CCSER1: variants seen among roughly 807,000 people sequenced by gnomAD.
CCSER1 encodes the protein serine-rich coiled-coil domain-containing protein 1.
A neutral mutation model predicts 82.0 loss-of-function variants in CCSER1; 41 were observed. That is an observed-to-expected ratio of 0.50 (90% CI 0.39 to 0.65). CCSER1 has a LOEUF of 0.65. CCSER1 is among the 30% of genes least tolerant of loss of function. The pLI is 0.00. For missense variants in CCSER1, 1,119 were observed against 1,064.2 expected, an observed-to-expected ratio of 1.05 and a Z score of -0.72; for synonymous variants, 414 against 383.9, an observed-to-expected ratio of 1.08 and a Z score of -0.92.
At chr4:91,247,912 C>T (rs71597236) in intron 10 of CCSER1, among the ~76,000 whole-genome samples, 31,149 of 149,588 alleles carry the variant, frequency 0.21, 3,565 homozygotes, top group East Asian at 0.34. Context: ...ACAAAAAACA[C>T]GAACCGGGAC....
chr4:91,494,378 G>A (rs11933531), intron 10 of CCSER1, among the ~76,000 whole-genome samples: 13,407 of 151,492 alleles, frequency 0.088, 821 homozygotes, highest in East Asian at 0.26. Context: ...GTTCAAATAC[G>A]GTTCATAATG....
chr4:91,000,206 A>G (rs1025713132), intron 9 of CCSER1, among the ~76,000 whole-genome samples: 4 of 142,596 alleles, frequency 2.8e-5, no homozygotes, highest in Non-Finnish European at 6.1e-5. Context: ...ATAGTATAGT[A>G]TAGTATAGTA....
intron 10 of CCSER1, among the ~76,000 whole-genome samples, chr4:91,367,434 C>CT (rs70965489): frequency 0.65 from 91,724 of 142,028 alleles, 30,135 homozygotes; most frequent in East Asian, 0.9. Flanking sequence ...TGATTTCTTT[C>CT]TTTTTTTTTT....
At chr4:91,525,311 A>C (rs893760448) in intron 10 of CCSER1, among the ~76,000 whole-genome samples, 1 of 152,152 alleles carries the variant, frequency 6.6e-6, no homozygotes, top group Admixed American at 6.5e-5. Context: ...GAAGATCCTT[A>C]AGATTGATTA....
chr4:91,414,813 CAAAG>C (rs1313178030), intron 10 of CCSER1, among the ~76,000 whole-genome samples: 1 of 151,932 alleles, frequency 6.6e-6, no homozygotes, highest in East Asian at 1.9e-4. Context: ...ACATGAGAAA[CAAAG>C]AAGGTCATTA....
At chr4:90,845,874 C>T (rs937842960) in intron 8 of CCSER1, among the ~76,000 whole-genome samples, 2 of 150,770 alleles carry the variant, frequency 1.3e-5, no homozygotes, top group Admixed American at 1.3e-4. Context: ...TGGCAATGGA[C>T]TTGTAACTTA....
At chr4:91,212,881 C>T (rs1047192758) in intron 10 of CCSER1, among the ~76,000 whole-genome samples, 1 of 152,026 alleles carries the variant, frequency 6.6e-6, no homozygotes, top group Non-Finnish European at 1.5e-5. Context: ...TCAGCCCTTG[C>T]CCACCTCCTT....
At chr4:90,622,443 G>A (rs1040817266) in intron 5 of CCSER1, among the ~76,000 whole-genome samples, 1 of 151,984 alleles carries the variant, frequency 6.6e-6, no homozygotes, top group Non-Finnish European at 1.5e-5. Context: ...GACAGGCCCC[G>A]GTGCGTGATG....
At chr4:90,634,871 G>A (rs559571692) in intron 6 of CCSER1, among the ~76,000 whole-genome samples, 2 of 151,774 alleles carry the variant, frequency 1.3e-5, no homozygotes, top group South Asian at 4.2e-4. Context: ...ATATGTTTAA[G>A]GAAAATTAGA....
chr4:91,042,246 G>A (rs1216888508), intron 9 of CCSER1, among the ~76,000 whole-genome samples: 3 of 152,110 alleles, frequency 2.0e-5, no homozygotes, highest in Admixed American at 1.3e-4. Context: ...AGGTCTGTTG[G>A]CTTTATAAGT....
intron 1 of CCSER1, among the ~76,000 whole-genome samples, chr4:90,145,050 G>T (rs1560685365): frequency 1.3e-5 from 2 of 151,940 alleles, no homozygotes; most frequent in Non-Finnish European, 2.9e-5. Flanking sequence ...AAAGCATGAT[G>T]GCCCGTAAAC....
intron 9 of CCSER1, among the ~76,000 whole-genome samples, chr4:91,019,591 T>C (rs956332252): frequency 3.3e-5 from 5 of 152,190 alleles, no homozygotes; most frequent in South Asian, 2.1e-4. Flanking sequence ...TGTTTAATAA[T>C]GCACACTCCC....
At chr4:90,942,889 T>A (rs1719522928) in intron 9 of CCSER1, among the ~76,000 whole-genome samples, 1 of 147,720 alleles carries the variant, frequency 6.8e-6, no homozygotes, top group Non-Finnish European at 1.5e-5. Context: ...GTATGATATA[T>A]AGAATTAAAT....
At chr4:90,819,525 CT>C (rs141879657) in intron 8 of CCSER1, among the ~76,000 whole-genome samples, 9,974 of 152,032 alleles carry the variant, frequency 0.066, 448 homozygotes, top group Admixed American at 0.12. Context: ...TGCCTTAATT[CT>C]TTTTTATTGC....
chr4:90,703,540 G>C (rs1262488657), intron 6 of CCSER1, among the ~76,000 whole-genome samples: 1 of 152,150 alleles, frequency 6.6e-6, no homozygotes, highest in Admixed American at 6.6e-5. Flanking sequence ...TTAACTTTCT[G>C]TCTCGTTGAT....
intron 10 of CCSER1, among the ~76,000 whole-genome samples, chr4:91,459,912 T>G (rs1263012848): frequency 6.6e-6 from 1 of 152,152 alleles, no homozygotes; most frequent in Non-Finnish European, 1.5e-5. Context: ...GCTCCTCACC[T>G]TGCTTGTTAT....
intron 8 of CCSER1, among the ~76,000 whole-genome samples, chr4:90,835,880 C>G (rs1475977598): frequency 1.3e-5 from 2 of 152,146 alleles, no homozygotes; most frequent in Non-Finnish European, 2.9e-5. Context: ...ATGGACAACA[C>G]AAGGTCTGGG....
chr4:91,411,534 G>GTATATATATATAT (rs1278016617), intron 10 of CCSER1, among the ~76,000 whole-genome samples: 3 of 55,308 alleles, frequency 5.4e-5, no homozygotes, highest in Admixed American at 2.1e-4. Context: ...ATAAAATCTT[G>GTATATATATATAT]ACTAGTTAAT....
At chr4:91,219,602 C>A (rs1737576478) in intron 10 of CCSER1, among the ~76,000 whole-genome samples, 1 of 151,982 alleles carries the variant, frequency 6.6e-6, no homozygotes, top group Non-Finnish European at 1.5e-5. Context: ...CATGCCCAGC[C>A]CAGTTTGAAT....
Sources: gnomAD v4.1 joint callset for allele counts (sites outside exome capture counted in the v4.1 genomes callset) on GRCh38, gnomAD v4.1.1 for gene constraint, MANE v1.5 for transcripts, NCBI Gene and HGNC (gene_info 2026-07-23, HGNC 2026-07-21) for gene names.